Variants in LRRC37A2 observed in about 807,000 individuals in gnomAD.
LRRC37A2 encodes the protein leucine rich repeat containing 37 member A2.
In LRRC37A2, 9 loss-of-function variants were observed where a neutral mutation model predicts 68.8. The ratio of observed to expected loss-of-function variants is 0.13; its 90% confidence interval spans 0.08 to 0.23. The LOEUF is 0.23. Among genes scored for constraint, LRRC37A2 ranks in the 10% least tolerant of loss-of-function variants. The pLI is 1.00. For missense variants in LRRC37A2, 168 were observed against 950.4 expected (o/e 0.18, Z 10.82); for synonymous variants, 63 against 367.6 (o/e 0.17, Z 9.48).
chr17:47,039,917 T>G, the LRRC37A2 span, among the ~76,000 whole-genome samples: 1 of 151,614 alleles, frequency 6.6e-6, no homozygotes, highest in Non-Finnish European at 1.5e-5. Context: ...TTCCCCATTC[T>G]TTCTTCGGCC....
At chr17:47,024,474 AGT>A in the LRRC37A2 span, among the ~76,000 whole-genome samples, 3 of 151,200 alleles carry the variant, frequency 2.0e-5, no homozygotes, top group East Asian at 1.9e-4. Context: ...GGTGTGCTTG[AGT>A]GTGTGTGTGT....
At chr17:46,716,120 C>T in the LRRC37A2 span, among the ~76,000 whole-genome samples, 2 of 152,088 alleles carry the variant, frequency 1.3e-5, no homozygotes, top group African/African-American at 4.8e-5. Context: ...ACATTGTTAC[C>T]TAATGATAGG....
At chr17:46,492,340 GTGTTGT>G in the LRRC37A2 span, among the ~76,000 whole-genome samples, 1 of 150,998 alleles carries the variant, frequency 6.6e-6, no homozygotes, top group Non-Finnish European at 1.5e-5. Flanking sequence ...AGATTCATCT[GTGTTGT>G]TGTATCAGTA....
the LRRC37A2 span, among the ~76,000 whole-genome samples, chr17:46,823,168 ATATAT>A: frequency 8.1e-6 from 1 of 124,196 alleles, no homozygotes; most frequent in Admixed American, 9.0e-5. Context: ...ATTATATATT[ATATAT>A]TTATATATAA....
At chr17:47,003,158 G>A in the LRRC37A2 span, among the ~76,000 whole-genome samples, 1 of 149,004 alleles carries the variant, frequency 6.7e-6, no homozygotes, top group Non-Finnish European at 1.5e-5. Flanking sequence ...GCTGAGGCAG[G>A]TAGATCACTT....
the LRRC37A2 span, chr17:46,729,077 G>A: frequency 1.8e-6 from 1 of 551,360 alleles, no homozygotes. Flanking sequence ...GTCCAGTCTT[G>A]ACTTCTGTTT....
the LRRC37A2 span, among the ~76,000 whole-genome samples, chr17:46,902,980 C>A: frequency 1.3e-5 from 2 of 152,042 alleles, no homozygotes; most frequent in African/African-American, 2.4e-5. Context: ...TCTCCTTTCT[C>A]GAAAAAGGAT....
At chr17:46,771,662 G>T in the LRRC37A2 span, among the ~76,000 whole-genome samples, 1 of 143,930 alleles carries the variant, frequency 6.9e-6, no homozygotes, top group African/African-American at 2.5e-5. Flanking sequence ...CGCCGGGCCG[G>T]CCGCCACCGC....
At chr17:47,035,223 A>T in the LRRC37A2 span, 1 of 152,218 alleles carries the variant, frequency 6.6e-6, no homozygotes, top group Non-Finnish European at 1.5e-5. Flanking sequence ...GGTGGTTAGT[A>T]TATTCTCAAG....
the LRRC37A2 span, among the ~76,000 whole-genome samples, chr17:46,839,433 T>C: frequency 7.2e-5 from 11 of 152,300 alleles, no homozygotes; most frequent in Non-Finnish European, 1.3e-4. Context: ...GGTTGTATGG[T>C]AGCTGCCACT....
the LRRC37A2 span, among the ~76,000 whole-genome samples, chr17:46,858,978 C>CTT: frequency 5.5e-3 from 737 of 134,216 alleles, 10 homozygotes; most frequent in African/African-American, 0.018. Context: ...ATAATTTTAG[C>CTT]TTTTTTTTTT....
chr17:46,873,086 TCACACACACA>T, the LRRC37A2 span, among the ~76,000 whole-genome samples: 29,332 of 139,772 alleles, frequency 0.21, 3,326 homozygotes, highest in Non-Finnish European at 0.26. Flanking sequence ...CTCTGCCTCT[TCACACACACA>T]CACACACACA....
the LRRC37A2 span, chr17:46,940,656 C>T: frequency 1.2e-6 from 2 of 1,612,660 alleles, no homozygotes; most frequent in Non-Finnish European, 1.7e-6. Flanking sequence ...TCCCCGCACC[C>T]ATCATGCGTG....
At chr17:47,000,082 AAAATAAAAT>A in the LRRC37A2 span, among the ~76,000 whole-genome samples, 14 of 10,078 alleles carry the variant, frequency 1.4e-3, no homozygotes, top group Admixed American at 7.2e-3. Context: ...AATAAAAAAT[AAAATAAAAT>A]AAAATAAAAT....
chr17:46,924,776 T>A, the LRRC37A2 span, among the ~76,000 whole-genome samples: 1 of 152,220 alleles, frequency 6.6e-6, no homozygotes, highest in Non-Finnish European at 1.5e-5. Flanking sequence ...CTGTGAGTAA[T>A]TTAGAGAAAG....
chr17:46,735,193 A>C, the LRRC37A2 span, among the ~76,000 whole-genome samples: 1 of 152,224 alleles, frequency 6.6e-6, no homozygotes, highest in African/African-American at 2.4e-5. Flanking sequence ...TTAATACCAG[A>C]ATAAATTATA....
chr17:46,984,172 A>G, the LRRC37A2 span: 1 of 152,234 alleles, frequency 6.6e-6, no homozygotes, highest in South Asian at 2.1e-4. Flanking sequence ...AAACAAGTTG[A>G]CAGATGAGAA....
At chr17:46,829,412 T>C in the LRRC37A2 span, among the ~76,000 whole-genome samples, 1 of 152,094 alleles carries the variant, frequency 6.6e-6, no homozygotes, top group Admixed American at 6.5e-5. Flanking sequence ...TCAGGTGATC[T>C]ACCCGCCTCA....
At chr17:46,827,439 A>G in the LRRC37A2 span, among the ~76,000 whole-genome samples, 1 of 152,164 alleles carries the variant, frequency 6.6e-6, no homozygotes, top group Non-Finnish European at 1.5e-5. Context: ...TGCAGCAGCC[A>G]TTCTGTGACT....
Sources: allele counts gnomAD v4.1 joint callset (sites outside exome capture counted in the v4.1 genomes callset), GRCh38; gene constraint gnomAD v4.1.1; transcripts MANE v1.5; gene names NCBI Gene and HGNC (gene_info 2026-07-23, HGNC 2026-07-21).